The following TUFT1 variants were observed in gnomAD, a reference collection of about 807,000 sequenced individuals.
The protein encoded by TUFT1 is tuftelin 1.
Under a neutral mutation model 57.8 loss-of-function variants are expected in TUFT1, and 43 were observed. That is an observed-to-expected ratio of 0.74 (90% CI 0.58 to 0.96). The LOEUF (loss-of-function observed/expected upper bound fraction) is 0.96. Among genes scored for constraint, TUFT1 ranks in the 40% least tolerant of loss-of-function variants. The pLI is 0.00. For synonymous variants in TUFT1, 166 were observed against 176.7 expected, an observed-to-expected ratio of 0.94 and a Z score of 0.48; for missense variants, 459 against 489.0, an observed-to-expected ratio of 0.94 and a Z score of 0.58.
chr1:151,559,228 A>C (rs1007982988), intron 1 of TUFT1, among the ~76,000 whole-genome samples: 1 of 152,218 alleles, frequency 6.6e-6, no homozygotes, highest in East Asian at 1.9e-4. Flanking sequence ...CTGTGCATTC[A>C]GAAAATACCT....
chr1:151,568,561 A>G (rs768934355), intron 6 of TUFT1, among the ~76,000 whole-genome samples: 3 of 152,248 alleles, frequency 2.0e-5, no homozygotes, highest in Non-Finnish European at 2.9e-5. Context: ...AAATAAGTGC[A>G]TAATAGCTGT....
At chr1:151,561,892 G>C in intron 1 of TUFT1, 199 bp from the exon 2 acceptor site, 7 of 1,520,980 alleles carry the variant, frequency 4.6e-6, no homozygotes, top group Non-Finnish European at 6.2e-6. Flanking sequence ...CTGTTGGGTG[G>C]TCCCAGAGTC....
chr1:151,569,832 G>A, intron 7 of TUFT1, 62 bp downstream of exon 7: 2 of 1,323,298 alleles, frequency 1.5e-6, no homozygotes, highest in Non-Finnish European at 2.2e-6. Flanking sequence ...ACAGGTGCCA[G>A]TGATGTCTCA....
intron 7 of TUFT1, among the ~76,000 whole-genome samples, chr1:151,572,704 A>G (rs976914134): frequency 2.0e-5 from 3 of 152,186 alleles, no homozygotes; most frequent in Non-Finnish European, 1.5e-5. Context: ...GCCATTAAGC[A>G]TGGGTTTCCT....
At chr1:151,562,276 A>G in intron 2 of TUFT1, 111 bp downstream of exon 2, 17 of 925,634 alleles carry the variant, frequency 1.8e-5, no homozygotes, top group South Asian at 1.7e-5. Context: ...CGAGCGTGGG[A>G]GCCCCTCCTT....
At chr1:151,575,148 G>A (rs1444397997) in intron 9 of TUFT1, 143 bp downstream of exon 9, 1 of 747,066 alleles carries the variant, frequency 1.3e-6, no homozygotes. Context: ...CTCACCGTGA[G>A]CTTGCTCAGG....
intron 1 of TUFT1, among the ~76,000 whole-genome samples, chr1:151,553,974 G>A (rs1251523672): frequency 2.0e-5 from 3 of 152,172 alleles, no homozygotes; most frequent in Non-Finnish European, 4.4e-5. Context: ...TGATGTGTCT[G>A]TTGGCATCTT....
chr1:151,557,634 G>T, intron 1 of TUFT1: 1 of 1,043,786 alleles, frequency 9.6e-7, no homozygotes, highest in Non-Finnish European at 1.5e-6. Context: ...AGTTTGCCTG[G>T]AGACATTTCC....
intron 4 of TUFT1, 62 bp downstream of exon 4, chr1:151,564,052 T>G (rs1185642504): frequency 7.3e-7 from 1 of 1,364,452 alleles, no homozygotes; most frequent in Non-Finnish European, 1.0e-6. Context: ...ACATTTTTTG[T>G]GACTGTCTTC....
intron 1 of TUFT1, among the ~76,000 whole-genome samples, chr1:151,560,519 G>A (rs373550739): frequency 6.6e-6 from 1 of 152,204 alleles, no homozygotes; most frequent in Admixed American, 6.5e-5. Context: ...TCTCCACCAA[G>A]TTGGAACGTT....
intron 7 of TUFT1, among the ~76,000 whole-genome samples, chr1:151,571,283 A>G (rs994011768): frequency 1.1e-4 from 16 of 152,200 alleles, no homozygotes; most frequent in African/African-American, 3.9e-4. Context: ...TTATTTGAAC[A>G]AGTAGTTTAA....
rs1459588774 is a variant in TUFT1, at chr1:151,540,399, G to A, written c.33G>A (p.Val11=). 3.7e-6 allele frequency: 6 copies of A among 1,614,086 alleles called. No individual in the cohort carries two copies. The highest frequency in any genetic ancestry group is 1.1e-5 in the South Asian group (1 of 91,092). The change falls in exon 1 of 13, where the codon GTG becomes GTA. Residue 11 remains valine, a synonymous_variant. Transcript: ENST00000368849. MNGTRNWCTL[V]DVHPEDQAAG... is the part of the protein sequence containing the mutation. ...GGACGCGGAACTGGTGTACCCTGGT[G>A]GACGTGCACCCAGAGGACCAGGCGG...
At chr1:151,570,054 TTCTG>T (rs1666209029) in intron 7 of TUFT1, among the ~76,000 whole-genome samples, 1 of 152,182 alleles carries the variant, frequency 6.6e-6, no homozygotes. Context: ...CAGAAGTCAT[TTCTG>T]TCTGTGTCGT....
At chr1:151,572,789 C>T (rs1571715004) in intron 7 of TUFT1, among the ~76,000 whole-genome samples, 1 of 152,190 alleles carries the variant, frequency 6.6e-6, no homozygotes. Flanking sequence ...TGGTGTGTAG[C>T]ATGGACACGT....
intron 1 of TUFT1, chr1:151,558,011 A>G (rs1665769063): frequency 2.3e-6 from 1 of 442,756 alleles, no homozygotes; most frequent in Non-Finnish European, 4.3e-6. Flanking sequence ...AAGAAAACCT[A>G]AGAGGGGAAG....
intron 7 of TUFT1, among the ~76,000 whole-genome samples, chr1:151,571,852 G>C (rs912482771): frequency 6.6e-5 from 10 of 152,146 alleles, no homozygotes; most frequent in African/African-American, 2.4e-4. Context: ...ATTTAGAAGG[G>C]GTTATTTTTC....
intron 2 of TUFT1, 118 bp from the exon 3 acceptor site, chr1:151,562,467 T>C: frequency 1.1e-6 from 1 of 908,980 alleles, no homozygotes; most frequent in Non-Finnish European, 1.7e-6. Flanking sequence ...GACTAATCCT[T>C]CAAGTCTTTT....
Position 151,574,987 on chromosome 1 carries a change from G to A in TUFT1, c.800G>A (p.Cys267Tyr), listed in dbSNP as rs781769799. 2 of 1,567,150 alleles carry A rather than the reference G, an allele frequency of 1.3e-6. No homozygotes were observed. Among genetic ancestry groups the A allele is most frequent in the Admixed American group, 3.8e-5 (2 of 52,796 alleles). The change falls in exon 9 of 13, where the codon TGC becomes TAC. Residue 267 changes from cysteine (C) to tyrosine (Y), a missense_variant. Transcript: ENST00000368849. Reference protein sequence around the residue: ...LEELRSNNADCQAEREKAATL... With the variant: ...LEELRSNNADYQAEREKAATL... ...GAACTTCGGAGCAACAATGCTGACT[G>A]CCAAGCAGAACGAGAAAAGTAAGGG...
chr1:151,566,986 A>G (rs868216185), intron 6 of TUFT1, among the ~76,000 whole-genome samples: 1 of 151,110 alleles, frequency 6.6e-6, no homozygotes, highest in Admixed American at 6.6e-5. Context: ...AGTGGCAATC[A>G]TGGCTCACTG....
Sources: gnomAD v4.1 joint callset for allele counts (sites outside exome capture counted in the v4.1 genomes callset) on GRCh38, gnomAD v4.1.1 for gene constraint, MANE v1.5 for transcripts, NCBI Gene and HGNC (gene_info 2026-07-23, HGNC 2026-07-21) for gene names.